Variants in ZNF3 observed in about 807,000 individuals in gnomAD.
ZNF3 encodes the protein zinc finger protein 3.
Under a neutral mutation model 36.9 loss-of-function variants are expected in ZNF3, and 16 were observed. The ratio of observed to expected loss-of-function variants is 0.43; its 90% CI spans 0.29 to 0.66. The LOEUF is 0.66. ZNF3 is among the 30% of genes least tolerant of loss of function. The pLI, the probability that ZNF3 is intolerant of heterozygous loss-of-function variation, is 0.13. For missense variants in ZNF3, 462 were observed against 543.1 expected (o/e 0.85, Z 1.48); for synonymous variants, 201 against 201.9 (o/e 1.00, Z 0.04).
chr7:100,072,546 G>A (rs1294474980), intron 5 of ZNF3, among the ~76,000 whole-genome samples: 3 of 152,162 alleles, frequency 2.0e-5, no homozygotes, highest in Non-Finnish European at 4.4e-5. Flanking sequence ...CCTTTAGAGA[G>A]GTCAGGGCAG....
chr7:100,064,887 CGT>C lies in ZNF3; in HGVS notation c.295_296del (p.Thr99AlafsTer22). ...TAAGCCATGCCAGCATTACCTTTTG[CGT>C]AGTTAAACAGACGTGTATCCAGTCT... On this transcript the variant is annotated frameshift_variant, in exon 6 of 6. Transcript: ENST00000413658. LOFTEE classifies it low-confidence loss of function (END_TRUNC). The C allele has an allele frequency of 2.5e-6, 4 of 1,601,908 alleles. No homozygotes were observed. The highest frequency in any genetic ancestry group is 3.4e-6 in the Non-Finnish European group (4 of 1,174,292).
At chr7:100,076,253 CCT>C (rs1329646144) in intron 3 of ZNF3, among the ~76,000 whole-genome samples, 1 of 152,024 alleles carries the variant, frequency 6.6e-6, no homozygotes, top group Non-Finnish European at 1.5e-5. Flanking sequence ...AAAAATGTTC[CCT>C]GTTTCTGTGT....
exon 6 of ZNF3, chr7:100,064,815 C>A: frequency 6.2e-7 from 1 of 1,614,160 alleles, no homozygotes; most frequent in Non-Finnish European, 8.5e-7. Flanking sequence ...GTTCCACACT[C>A]GCCAGTTCAC....
chr7:100,063,963 G>T, downstream of ZNF3: 1 of 1,614,132 alleles, frequency 6.2e-7, no homozygotes, highest in Non-Finnish European at 8.5e-7. Flanking sequence ...CTCTTCAAGA[G>T]GCAGGCTCCA....
intron 5 of ZNF3, among the ~76,000 whole-genome samples, chr7:100,072,944 A>G (rs1793456177): frequency 1.3e-5 from 2 of 152,202 alleles, no homozygotes; most frequent in East Asian, 3.8e-4. Context: ...TTGATATTTT[A>G]AAAAGTAAAG....
Position 100,075,531 on chromosome 7 carries a change from C to A in ZNF3, c.144+11G>T. On this transcript the variant is annotated intron_variant, in intron 4 of 5. Transcript: ENST00000299667. ...ATGGAAAGGAAAAGGATAAACGGAA[C>A]CACAGCTCACCTGGGACTTGGCCTT... The A allele has an allele frequency of 1.2e-6, 2 of 1,613,994 alleles. No homozygotes were observed. Among genetic ancestry groups the A allele is most frequent in the Non-Finnish European group, 1.7e-6 (2 of 1,179,920 alleles).
At chr7:100,077,116 C>G (rs1311246169) in intron 3 of ZNF3, 187 bp downstream of exon 3, 9 of 621,110 alleles carry the variant, frequency 1.4e-5, no homozygotes, top group Non-Finnish European at 2.5e-5. Flanking sequence ...ATTATCAAAC[C>G]TATCAAGCTG....
At position 100,070,954 on chromosome 7, in the gene ZNF3, C is replaced by T. The variant is rs1338763459; in HGVS notation, c.*189G>A. 7.2e-7 allele frequency: 1 copy of T among 1,388,660 alleles called. No individual in the cohort carries two copies. The highest frequency in any genetic ancestry group is 3.3e-5 in the Admixed American group (1 of 30,192). The allele number at this position is 1,388,660 out of a possible 1,614,324, so 86.0% of individuals were successfully genotyped here. ...TGCTTTCTATTCCCAGCACGCCATC[C>T]ACTTGCCTTGACGCTTTCTAAGGCT... On this transcript the variant is annotated 3_prime_UTR_variant, in exon 6 of 6. Transcript: ENST00000299667.
In ZNF3 at chr7:100,070,466, T is replaced by C. The variant is rs987530549; in HGVS notation, c.*677A>G. ...CTAGCTGTTTGGACAGATTTGCCCA[T>C]TCAGCCCCAGGACAACTGGGGGGGA... On this transcript the variant is annotated 3_prime_UTR_variant, in exon 6 of 6. Coordinates refer to ENST00000299667, the MANE Select transcript of ZNF3 (RefSeq NM_032924.5). The C allele has an allele frequency of 2.0e-6, 2 of 985,424 alleles. No homozygotes were observed. Among genetic ancestry groups the C allele is most frequent in the Non-Finnish European group, 2.4e-6 (2 of 830,086 alleles). 61.0% of individuals were successfully genotyped at this position (985,424 alleles called of 1,614,324 possible). A position where few individuals can be genotyped will look rare whatever the true frequency, so the allele number is the denominator to read the frequency against.
chr7:100,071,781 T>C lies in ZNF3; in HGVS notation c.703A>G (p.Lys235Glu), dbSNP rs1226017079. ...AGGTGTGAGCTCTGGCTGAAGGCCT[T>C]CCCACACTCATTACATTCATAGGGC... ...EKPYECNECG[K>E]AFSQSSHLIQ... The change falls in exon 6 of 6, where the codon AAG (lysine) becomes GAG (glutamate). Residue 235 changes from lysine to glutamate, a missense_variant. By Grantham distance (56) the Lys-to-Glu change is moderately conservative. Transcript: ENST00000299667. 1.9e-6 allele frequency: 3 copies of C among 1,613,980 alleles called. No homozygotes were observed. The Admixed American group carries it at 5.0e-5, about 27-fold the overall frequency.
At position 100,071,866 on chromosome 7, in the gene ZNF3, G is replaced by A; in HGVS notation, c.618C>T (p.Ser206=). ...GGTCTGAAGTTCGATTAAAGCTCTTGCTACATTCATCACACTTATGGGGTC... is the reference window on the plus strand; with the variant it reads ...GGTCTGAAGTTCGATTAAAGCTCTTACTACATTCATCACACTTATGGGGTC... ...GDRPHKCDEC[S]KSFNRTSDLI... The change falls in exon 6 of 6, where the codon AGC becomes AGT. Residue 206 remains serine (S), a synonymous_variant. Coordinates refer to ENST00000299667, the MANE Select transcript of ZNF3 (RefSeq NM_032924.5). 6.2e-7 allele frequency: 1 copy of A among 1,614,136 alleles called. No individual in the cohort carries two copies. Among genetic ancestry groups the A allele is most frequent in the Non-Finnish European group, 8.5e-7 (1 of 1,180,006 alleles).
At chr7:100,064,229 C>CAT in exon 6 of ZNF3, 1 of 1,614,130 alleles carries the variant, frequency 6.2e-7, no homozygotes, top group South Asian at 1.1e-5. Context: ...GGGCAGAGCT[C>CAT]AGACCTTCTT....
At position 100,070,165 on chromosome 7, in the gene ZNF3, T is replaced by TG. The variant is rs199915651; in HGVS notation, c.*977dup. On this transcript the variant is annotated 3_prime_UTR_variant, in exon 6 of 6. Coordinates refer to ENST00000299667, the MANE Select transcript of ZNF3 (RefSeq NM_032924.5). ...TCTGGGCTTCGTTTTTTTGTTTTTT[T>TG]GTTTTTTTTTTCTCCCTTTTGGGCT... is the stretch of plus-strand genomic sequence containing the variant. The TG allele has an allele frequency of 2.4e-4, 236 of 966,594 alleles. No homozygotes were observed. Among genetic ancestry groups the TG allele is most frequent in the Middle Eastern group, 1.1e-3 (2 of 1,820 alleles). The allele number at this position is 966,594 out of a possible 1,614,324, so 59.9% of individuals were successfully genotyped here. A position where few individuals can be genotyped will look rare whatever the true frequency, so the allele number is the denominator to read the frequency against.
At chr7:100,066,506 G>A (rs746504668), downstream of ZNF3, among the ~76,000 whole-genome samples, 6 of 151,456 alleles carry the variant, frequency 4.0e-5, no homozygotes, top group South Asian at 8.3e-4. Flanking sequence ...CGAGGTGGGC[G>A]GATCACGAGG....
intron 3 of ZNF3, 78 bp downstream of exon 3, chr7:100,077,225 G>A: frequency 6.4e-7 from 1 of 1,572,854 alleles, no homozygotes; most frequent in Non-Finnish European, 8.7e-7. Flanking sequence ...AGTTAGCCTA[G>A]TACCTGGTAA....
rs779204001 is a variant in ZNF3, at chr7:100,075,562, G to C, written c.124C>G (p.Leu42Val). Reference protein sequence around the residue: ...SLGDEMLAAALLKAKSQELVT... With the variant: ...SLGDEMLAAAVLKAKSQELVT... ...CTCACCTGGGACTTGGCCTTTAGGA[G>C]CGCAGCCGCCAACATCTCATCCCCC... The change falls in exon 4 of 6, where the codon CTC becomes GTC. Residue 42 changes from leucine (L) to valine (V), a missense_variant. By Grantham distance (32) the Leu-to-Val change is conservative (BLOSUM62 1). Transcript: ENST00000299667. The C allele has an allele frequency of 4.3e-6, 7 of 1,614,048 alleles. No individual in the cohort carries two copies. In the African/African-American group the frequency reaches 9.3e-5, roughly 22 times the overall value.
chr7:100,075,714 T>C (rs1793985515), intron 3 of ZNF3, 84 bp from the exon 4 acceptor site: 5 of 1,353,154 alleles, frequency 3.7e-6, no homozygotes, highest in Non-Finnish European at 5.2e-6. Flanking sequence ...CACAGAAAGC[T>C]CCCGGGGTCC....
In ZNF3 at chr7:100,072,167, G is replaced by C; in HGVS notation, c.317C>G (p.Thr106Arg). 6.3e-7 allele frequency: 1 copy of C among 1,599,672 alleles called. No homozygotes were observed. Among genetic ancestry groups the C allele is most frequent in the Non-Finnish European group, 8.5e-7 (1 of 1,176,226 alleles). The change falls in exon 6 of 6, where the codon ACA becomes AGA. Residue 106 changes from threonine (T) to arginine (R), a missense_variant. By Grantham distance (71) the Thr-to-Arg change is moderately conservative. Transcript: ENST00000299667. Reference protein sequence around the residue: ...TENDQEISEDTRSHGVLLGRF... With the variant: ...TENDQEISEDRRSHGVLLGRF... ...TCCCAGTAGGACCCCATGTGATCTT[G>C]TGTCTTCAGAAATTTCTTGATCATT... is the stretch of plus-strand genomic sequence containing the variant.
rs1378244737 is a variant in ZNF3, at chr7:100,070,409, G to C, written c.*734C>G. The stretch of plus-strand genomic sequence containing the variant: ...GACAGCAATCAGAGGCCAACGCTAA[G>C]TGCTTCTGACCCTCTCCCTCACAGC... On this transcript the variant is annotated 3_prime_UTR_variant, in exon 6 of 6. Transcript: ENST00000299667. The C allele has an allele frequency of 7.1e-6, 7 of 985,352 alleles. No homozygotes were observed. Among genetic ancestry groups the C allele is most frequent in the Non-Finnish European group, 8.4e-6 (7 of 829,982 alleles). The allele number at this position is 985,352 out of a possible 1,614,324, so 61.0% of individuals were successfully genotyped here.
Sources: allele counts gnomAD v4.1 joint callset (sites outside exome capture counted in the v4.1 genomes callset), GRCh38; gene constraint gnomAD v4.1.1; transcripts MANE v1.5; gene names NCBI Gene and HGNC (gene_info 2026-07-23, HGNC 2026-07-21).